The following VWA3B variants were observed in gnomAD, a reference collection of about 807,000 sequenced individuals.
VWA3B encodes von Willebrand factor A domain containing 3B.
VWA3B carries 138 observed loss-of-function variants against 158.3 expected under a neutral mutation model. That is an observed-to-expected ratio of 0.87 (90% CI 0.76 to 1.00). The LOEUF (loss-of-function observed/expected upper bound fraction) is 1.00. VWA3B is among the 50% of genes least tolerant of loss of function. The pLI is 0.00. For missense variants in VWA3B, 1,555 were observed against 1,565.1 expected (o/e 0.99, Z 0.11); for synonymous variants, 596 against 587.3 (o/e 1.01, Z -0.21).
intron 5 of VWA3B, 76 bp downstream of exon 5, chr2:98,121,534 C>G: frequency 1.3e-6 from 2 of 1,552,882 alleles, no homozygotes; most frequent in Non-Finnish European, 1.8e-6. Flanking sequence ...AGTGACTTTA[C>G]ACGGCCCTTC....
intron 22 of VWA3B, among the ~76,000 whole-genome samples, chr2:98,276,575 T>C (rs934691521): frequency 6.6e-6 from 1 of 152,212 alleles, no homozygotes; most frequent in Non-Finnish European, 1.5e-5. Context: ...CAGAGTGGGC[T>C]GCCCATGTGT....
In VWA3B at chr2:98,121,287, G is replaced by A. The variant is rs1674939230; in HGVS notation, c.543-12G>A. On this transcript the variant is annotated splice_polypyrimidine_tract_variant and intron_variant, in intron 4 of 27. Coordinates refer to ENST00000477737, the MANE Select transcript of VWA3B (RefSeq NM_144992.5). The stretch of plus-strand genomic sequence containing the variant: ...TCACTGCCCAGTGACCACTCCATGT[G>A]ATCCTTTTCAGGGTTTCTCAAGAGC... 6.2e-7 allele frequency: 1 copy of A among 1,610,382 alleles called. No individual in the cohort carries two copies. The highest frequency in any genetic ancestry group is 8.5e-7 in the Non-Finnish European group (1 of 1,176,852).
chr2:98,203,095 T>G (rs555853389), intron 12 of VWA3B, among the ~76,000 whole-genome samples: 17 of 152,346 alleles, frequency 1.1e-4, no homozygotes, highest in Non-Finnish European at 1.9e-4. Context: ...CCTCCCAAAG[T>G]GCTGGGATTA....
At chr2:98,300,848 G>A (rs1414816068) in intron 25 of VWA3B, among the ~76,000 whole-genome samples, 1 of 152,098 alleles carries the variant, frequency 6.6e-6, no homozygotes, top group Non-Finnish European at 1.5e-5. Flanking sequence ...CTTCTCCTCT[G>A]TGTCCCCTGT....
chr2:98,187,880 G>A (rs1278010586), intron 9 of VWA3B, 95 bp from the exon 10 acceptor site: 22 of 1,317,878 alleles, frequency 1.7e-5, no homozygotes, highest in African/African-American at 7.5e-5. Context: ...GGAGTGCTAG[G>A]AGCCACTTGA....
intron 22 of VWA3B, among the ~76,000 whole-genome samples, chr2:98,275,839 G>A (rs1688489722): frequency 6.6e-6 from 1 of 152,214 alleles, no homozygotes. Context: ...AGGCCAATTT[G>A]CAGTGGGTAG....
chr2:98,216,957 G>A, intron 13 of VWA3B: 1 of 1,290,902 alleles, frequency 7.7e-7, no homozygotes, highest in Non-Finnish European at 1.0e-6. Context: ...GAGTGGGAGA[G>A]ACTGTCATGT....
chr2:98,226,734 A>G (rs1208963982), intron 14 of VWA3B, among the ~76,000 whole-genome samples: 1 of 150,908 alleles, frequency 6.6e-6, no homozygotes, highest in Admixed American at 6.6e-5. Flanking sequence ...GTAGAAAACA[A>G]ACCATCTAAT....
At chr2:98,109,424 C>CT (rs1209911164) in intron 2 of VWA3B, among the ~76,000 whole-genome samples, 1 of 152,190 alleles carries the variant, frequency 6.6e-6, no homozygotes, top group Non-Finnish European at 1.5e-5. Flanking sequence ...CAGAAACCTT[C>CT]TTTTCCCTTT....
intron 12 of VWA3B, among the ~76,000 whole-genome samples, chr2:98,200,562 G>T (rs538298995): frequency 1.4e-4 from 20 of 141,492 alleles, no homozygotes; most frequent in African/African-American, 4.7e-4. Context: ...AAAAAAAAAA[G>T]ACTGACTTTC....
At chr2:98,114,954 T>G (rs527923718) in intron 2 of VWA3B, among the ~76,000 whole-genome samples, 1 of 152,220 alleles carries the variant, frequency 6.6e-6, no homozygotes, top group Non-Finnish European at 1.5e-5. Context: ...TCTGACATTC[T>G]GTATGGCAAT....
intron 7 of VWA3B, among the ~76,000 whole-genome samples, chr2:98,138,897 T>C (rs879872772): frequency 6.6e-6 from 1 of 152,252 alleles, no homozygotes; most frequent in East Asian, 1.9e-4. Flanking sequence ...GCTCCCACTT[T>C]GGCGGCACTT....
At chr2:98,239,015 G>C (rs191377463) in intron 19 of VWA3B, among the ~76,000 whole-genome samples, 66 of 152,278 alleles carry the variant, frequency 4.3e-4, no homozygotes, top group Non-Finnish European at 7.6e-4. Flanking sequence ...CCATCAAATT[G>C]GTAAGGTTAA....
In VWA3B at chr2:98,194,417, T is replaced by C. The variant is rs1476014542; in HGVS notation, c.1662T>C (p.Val554=). The C allele has an allele frequency of 6.2e-7, 1 of 1,614,144 alleles. No individual in the cohort carries two copies. The highest frequency in any genetic ancestry group is 1.7e-5 in the Admixed American group (1 of 60,022). The change falls in exon 12 of 28, where the codon GTT becomes GTC. Residue 554 remains valine (V), a synonymous_variant. Coordinates refer to ENST00000477737, the MANE Select transcript of VWA3B (RefSeq NM_144992.5). ...TTGTGAAGTTTGATGGTCAAGCAGT[T>C]GCTTGGCGGGAACAACTTGCTGAAG... ...FNFVKFDGQA[V]AWREQLAEVN...
chr2:98,116,156 A>G lies in VWA3B; in HGVS notation c.291+410A>G, dbSNP rs114629920. Among the ~76,000 whole-genome samples, 1,439 of 152,296 alleles carry G rather than the reference A, an allele frequency of 9.4e-3. 13 individuals are homozygous for G. The highest frequency in any genetic ancestry group is 0.016 in the Admixed American group (243 of 15,302). ...TGACCAGAGGCCTTTACTCCCAGCA[A>G]TTCAGCACCTGAGTCTCACGTCTCC... On this transcript the variant is annotated intron_variant, in intron 3 of 27. Transcript: ENST00000477737.
At chr2:98,204,071 A>C (rs945734066) in intron 12 of VWA3B, among the ~76,000 whole-genome samples, 1 of 152,240 alleles carries the variant, frequency 6.6e-6, no homozygotes. Flanking sequence ...ATGCCATTTT[A>C]TACGATACTT....
chr2:98,196,481 G>A (rs1450690937), intron 12 of VWA3B, among the ~76,000 whole-genome samples: 3 of 152,104 alleles, frequency 2.0e-5, no homozygotes, highest in East Asian at 1.9e-4. Context: ...TAGTCAACCC[G>A]GTAGCACTCA....
intron 2 of VWA3B, among the ~76,000 whole-genome samples, chr2:98,109,585 A>G (rs973816593): frequency 2.4e-4 from 37 of 152,236 alleles, no homozygotes; most frequent in African/African-American, 7.9e-4. Context: ...TTATTTGCCT[A>G]TAGTTTTGCT....
rs756048158 is a variant in VWA3B, at chr2:98,311,967, T to G, written c.3670T>G (p.Ser1224Ala). The G allele has an allele frequency of 8.7e-6, 14 of 1,605,160 alleles. No individual in the cohort carries two copies. In the East Asian group the frequency reaches 3.1e-4, roughly 36 times the overall value. The change falls in exon 27 of 28, where the codon TCG becomes GCG. Residue 1224 changes from serine to alanine, a missense_variant. Coordinates refer to ENST00000477737, the MANE Select transcript of VWA3B (RefSeq NM_144992.5). ...ACTCCAGCAGGCGGCGCCCTCGGAC[T>G]CGGACGGCTCCTCCCACGGCATCAG... ...QPLQQAAPSD[S>A]DGSSHGISSH... is the part of the protein sequence containing the mutation.
Sources: allele counts gnomAD v4.1 joint callset (sites outside exome capture counted in the v4.1 genomes callset), GRCh38; gene constraint gnomAD v4.1.1; transcripts MANE v1.5; gene names NCBI Gene and HGNC (gene_info 2026-07-23, HGNC 2026-07-21).